Variants in TDP1 observed in about 807,000 individuals in gnomAD.
TDP1 encodes the protein tyr-DNA phosphodiesterase 1.
In TDP1, 64 loss-of-function variants were observed where a neutral mutation model predicts 81.5. The ratio of observed to expected loss-of-function variants is 0.79; its 90% CI spans 0.64 to 0.97. TDP1 has a LOEUF of 0.97. Among genes scored for constraint, TDP1 ranks in the 50% least tolerant of loss-of-function variants. The probability of loss-of-function intolerance (pLI) is 0.00; values close to 1 mark genes in which losing one functional copy is unlikely to be tolerated. For synonymous variants in TDP1, 256 were observed against 264.3 expected (o/e 0.97, Z 0.30); for missense variants, 723 against 743.8 (o/e 0.97, Z 0.33).
rs144291731 is a variant in TDP1 at position 89,961,879 on chromosome 14, C to T, written c.-7-1229C>T. On this transcript the variant is annotated intron_variant, in intron 2 of 16. Coordinates refer to ENST00000335725, the MANE Select transcript of TDP1 (RefSeq NM_018319.4). The stretch of plus-strand genomic sequence containing the variant: ...CAGCCTCATTAAAACAGCAGAAACT[C>T]GAAGATACTGTTGATCTGAGCACAG... Among the ~76,000 whole-genome samples the T allele has an allele frequency of 2.3e-4, 35 of 152,298 alleles. No homozygotes were observed. In the East Asian group the frequency reaches 5.4e-3, roughly 24 times the overall value.
rs1460523885 is a variant in TDP1 at position 89,988,995 on chromosome 14, G to GAATC, written c.1225_1228dup (p.Lys410IlefsTer7). The GAATC allele has an allele frequency of 6.2e-7, 1 of 1,614,182 alleles. No individual in the cohort carries two copies. ...AAGCGTTGGCTCCTTGGGAGCCGAT[G>GAATC]AATCAAAGTGGTTATGTTCTGAGTT... On this transcript the variant is annotated frameshift_variant, in exon 11 of 17. Coordinates refer to ENST00000335725, the MANE Select transcript of TDP1 (RefSeq NM_018319.4). LOFTEE classifies it high-confidence loss of function.
chr14:89,971,255 A>C lies in TDP1; in HGVS notation c.740A>C (p.Asn247Thr). ...CATGCCCAGGCCAAGCCTTACGAGAACATCTCTCTCTGCCAGGTAAGCCAC... is the reference window on the plus strand; with the variant it reads ...CATGCCCAGGCCAAGCCTTACGAGACCATCTCTCTCTGCCAGGTAAGCCAC... ...HLHAQAKPYE[N>T]ISLCQAKLDI... The change falls in exon 6 of 17, where the codon AAC becomes ACC. Residue 247 changes from asparagine to threonine, a missense_variant. Coordinates refer to ENST00000335725, the MANE Select transcript of TDP1 (RefSeq NM_018319.4). 6.2e-7 allele frequency: 1 copy of C among 1,614,054 alleles called. No individual in the cohort carries two copies. Among genetic ancestry groups the C allele is most frequent in the Non-Finnish European group, 8.5e-7 (1 of 1,179,904 alleles).
intron 15 of TDP1, chr14:90,022,916 C>A: frequency 1.3e-6 from 1 of 751,182 alleles, no homozygotes; most frequent in Non-Finnish European, 2.2e-6. Flanking sequence ...AACAGCCCGA[C>A]GGTTCCCTCC....
At chr14:90,040,781 A>G (rs1386658404) in intron 16 of TDP1, among the ~76,000 whole-genome samples, 1 of 152,260 alleles carries the variant, frequency 6.6e-6, no homozygotes, top group Non-Finnish European at 1.5e-5. Flanking sequence ...AAAGAATCAC[A>G]ACCACCTTCT....
Position 89,983,302 on chromosome 14 carries a change from C to G in TDP1, c.885-1214C>G, listed in dbSNP as rs570257751. On this transcript the variant is annotated intron_variant, in intron 8 of 16. Transcript: ENST00000335725. ...GTATAGTCAGCTAGTCGATCTGGGT[C>G]CAGAACATGGGCTCCAGCCCTCATC... is the stretch of plus-strand genomic sequence containing the variant. 5.2e-4 allele frequency: 187 copies of G among 357,714 alleles called. 1 individual carries two copies. Among genetic ancestry groups the G allele is most frequent in the African/African-American group, 3.7e-3 (173 of 46,522 alleles). The allele number at this position is 357,714 out of a possible 1,614,324, so 22.2% of individuals were successfully genotyped here. A position where few individuals can be genotyped will look rare whatever the true frequency, so the allele number is the denominator to read the frequency against.
chr14:89,957,593 AAG>A (rs1263075000), intron 2 of TDP1, among the ~76,000 whole-genome samples: 1 of 152,224 alleles, frequency 6.6e-6, no homozygotes, highest in Non-Finnish European at 1.5e-5. Context: ...CTGGAGGTGA[AAG>A]AGAAATGCCC....
intron 16 of TDP1, 70 bp from the exon 17 acceptor site, chr14:90,043,000 A>G (rs1888514108): frequency 6.2e-7 from 1 of 1,612,158 alleles, no homozygotes; most frequent in South Asian, 1.1e-5. Flanking sequence ...AAGTGTTTTT[A>G]TGCCATCAGG....
chr14:89,998,433 T>C (rs1330193321), intron 14 of TDP1, among the ~76,000 whole-genome samples: 1 of 125,948 alleles, frequency 7.9e-6, no homozygotes, highest in African/African-American at 3.9e-5. Flanking sequence ...TGTATGTATG[T>C]ATGTATGTAT....
chr14:89,957,964 A>G (rs1266446730), intron 2 of TDP1, among the ~76,000 whole-genome samples: 1 of 152,156 alleles, frequency 6.6e-6, no homozygotes, highest in African/African-American at 2.4e-5. Flanking sequence ...TCCCGTGGCC[A>G]CTATGACTGC....
Position 89,988,197 on chromosome 14 carries a change from G to A in TDP1, c.1132-708G>A, listed in dbSNP as rs555426614. ...ATGCACCACCACTGTCCAGCAGCCC[G>A]CAGGTGTTCAGCTGTCGGAAAGCTC... is the stretch of plus-strand genomic sequence containing the variant. On this transcript the variant is annotated intron_variant, in intron 10 of 16. Coordinates refer to ENST00000335725, the MANE Select transcript of TDP1 (RefSeq NM_018319.4). Among the ~76,000 whole-genome samples, 188 of 152,330 alleles carry A rather than the reference G, an allele frequency of 1.2e-3. 1 individual carries two copies. Among genetic ancestry groups the A allele is most frequent in the Middle Eastern group, 6.8e-3 (2 of 294 alleles).
At chr14:90,028,363 A>G (rs1886894418) in intron 15 of TDP1, among the ~76,000 whole-genome samples, 1 of 152,230 alleles carries the variant, frequency 6.6e-6, no homozygotes, top group South Asian at 2.1e-4. Context: ...AACATAAATT[A>G]CATCTCTAAC....
upstream of TDP1, chr14:89,955,250 G>C (rs902447010): frequency 6.6e-6 from 1 of 152,368 alleles, no homozygotes; most frequent in African/African-American, 2.4e-5. Flanking sequence ...CTGGCACAAA[G>C]TAGATCTTCA....
chr14:89,989,684 T>C (rs779446941), intron 11 of TDP1, 33 bp from the exon 12 acceptor site: 1 of 1,550,608 alleles, frequency 6.4e-7, no homozygotes, highest in South Asian at 1.1e-5. Flanking sequence ...ACATGGTACA[T>C]TCCGAGTTTT....
chr14:89,971,662 A>G (rs1377158063), intron 6 of TDP1, among the ~76,000 whole-genome samples: 1 of 152,010 alleles, frequency 6.6e-6, no homozygotes, highest in Non-Finnish European at 1.5e-5. Context: ...GTTTTACTCA[A>G]TGTAGTATGG....
intron 15 of TDP1, among the ~76,000 whole-genome samples, chr14:90,024,488 T>C (rs1566920612): frequency 6.6e-6 from 1 of 152,204 alleles, no homozygotes; most frequent in Non-Finnish European, 1.5e-5. Flanking sequence ...AAGTGTCTGT[T>C]AGTTGAAGTT....
At chr14:89,964,856 T>A (rs1351307588) in intron 3 of TDP1, 1 of 448,928 alleles carries the variant, frequency 2.2e-6, no homozygotes, top group Non-Finnish European at 4.5e-6. Flanking sequence ...CTCAGGACAG[T>A]CTTATGAGTA....
chr14:90,013,298 C>G (rs994802072), intron 14 of TDP1, among the ~76,000 whole-genome samples: 1 of 152,082 alleles, frequency 6.6e-6, no homozygotes, highest in African/African-American at 2.4e-5. Flanking sequence ...GTGTCCTCAC[C>G]CAAATGTCAT....
chr14:90,014,235 A>G (rs560216736), intron 14 of TDP1, among the ~76,000 whole-genome samples: 2 of 152,364 alleles, frequency 1.3e-5, no homozygotes, highest in African/African-American at 2.4e-5. Flanking sequence ...TCAAAATTAA[A>G]GATTATGTTC....
intron 15 of TDP1, among the ~76,000 whole-genome samples, chr14:90,026,289 A>T (rs994502362): frequency 6.6e-6 from 1 of 152,084 alleles, no homozygotes; most frequent in African/African-American, 2.4e-5. Flanking sequence ...CCCATCTGTT[A>T]TGGGTCCCCA....
Sources: gnomAD v4.1 joint callset for allele counts (sites outside exome capture counted in the v4.1 genomes callset) on GRCh38, gnomAD v4.1.1 for gene constraint, MANE v1.5 for transcripts, NCBI Gene and HGNC (gene_info 2026-07-23, HGNC 2026-07-21) for gene names.